Variants in PSD2 observed in about 807,000 individuals in gnomAD.
PSD2 encodes the protein PH and SEC7 domain-containing protein 2.
Under a neutral mutation model 69.8 loss-of-function variants are expected in PSD2, and 38 were observed. That is an observed-to-expected ratio of 0.54 (90% CI 0.42 to 0.71). The LOEUF is 0.71. PSD2 is among the 30% of genes least tolerant of loss of function. The pLI is 0.00. For missense variants in PSD2, 943 were observed against 1,014.5 expected (o/e 0.93, Z 0.96); for synonymous variants, 412 against 423.0 (o/e 0.97, Z 0.32).
rs960554205 is a variant in PSD2, at chr5:139,822,871, C to T, written c.1269+87C>T. On this transcript the variant is annotated intron_variant, in intron 7 of 14. Coordinates refer to ENST00000274710, the MANE Select transcript of PSD2 (RefSeq NM_032289.4). The stretch of plus-strand genomic sequence containing the variant: ...CCCGGCCCCTTCCTGAGATCTCTTA[C>T]TCAGTGGCCGGGCTTCTTTTTGAAG... 12 of 1,200,446 alleles carry T rather than the reference C, an allele frequency of 1.0e-5. No homozygotes were observed. The South Asian group carries it at 1.3e-4, about 13-fold the overall frequency. 74.4% of individuals were successfully genotyped at this position (1,200,446 alleles called of 1,614,324 possible). A position where few individuals can be genotyped will look rare whatever the true frequency, so the allele number is the denominator to read the frequency against.
chr5:139,817,136 C>G (rs1348768603), intron 4 of PSD2, among the ~76,000 whole-genome samples: 1 of 152,224 alleles, frequency 6.6e-6, no homozygotes, highest in African/African-American at 2.4e-5. Flanking sequence ...TCACTTGCTG[C>G]CCCATTCTTG....
the PSD2 span, among the ~76,000 whole-genome samples, chr5:139,785,124 A>C: frequency 9.9e-5 from 15 of 151,786 alleles, no homozygotes; most frequent in Admixed American, 7.2e-4. Flanking sequence ...ACTCTATTTA[A>C]AGTTGGAACA....
At chr5:139,757,460 C>G in the PSD2 span, among the ~76,000 whole-genome samples, 1 of 152,156 alleles carries the variant, frequency 6.6e-6, no homozygotes, top group Admixed American at 6.5e-5. Context: ...GTTTTTATCA[C>G]CATCAACCAA....
At chr5:139,766,959 T>TTCTA in the PSD2 span, among the ~76,000 whole-genome samples, 1 of 140,462 alleles carries the variant, frequency 7.1e-6, no homozygotes, top group Admixed American at 7.4e-5. Flanking sequence ...CTTTCTTTCT[T>TTCTA]TCTTTCTTTC....
chr5:139,757,813 C>A, the PSD2 span, among the ~76,000 whole-genome samples: 2 of 152,148 alleles, frequency 1.3e-5, no homozygotes, highest in Admixed American at 6.5e-5. Context: ...TGGGGCCTGT[C>A]AAGTTGGGGT....
At chr5:139,823,430 C>T (rs1363303574) in intron 7 of PSD2, among the ~76,000 whole-genome samples, 1 of 152,234 alleles carries the variant, frequency 6.6e-6, no homozygotes, top group Non-Finnish European at 1.5e-5. Context: ...CATCATTGCT[C>T]ACCCATGGTG....
chr5:139,754,686 C>T, the PSD2 span, among the ~76,000 whole-genome samples: 1 of 151,674 alleles, frequency 6.6e-6, no homozygotes, highest in Non-Finnish European at 1.5e-5. Flanking sequence ...GATAGAGTGA[C>T]ACCCTGCCTC....
intron 2 of PSD2, 86 bp downstream of exon 2, chr5:139,809,897 G>T (rs781172602): frequency 2.6e-5 from 37 of 1,441,338 alleles, no homozygotes; most frequent in Non-Finnish European, 3.4e-5. Flanking sequence ...AGTTTCTCCG[G>T]TTCTTGTTTT....
At chr5:139,756,265 T>C in the PSD2 span, among the ~76,000 whole-genome samples, 81 of 152,304 alleles carry the variant, frequency 5.3e-4, no homozygotes, top group African/African-American at 1.9e-3. Context: ...CCCGCCATTA[T>C]CTGCCTCCGC....
chr5:139,822,724 A>G lies in PSD2; in HGVS notation c.1211-2A>G. On this transcript the variant is annotated splice_acceptor_variant, in intron 6 of 14. Coordinates refer to ENST00000274710, the MANE Select transcript of PSD2 (RefSeq NM_032289.4). LOFTEE classifies it high-confidence loss of function. ...CTGAGAGTGCCACCATCTCTGACTC[A>G]GATGGGATCCACACGCTCACCTGTG... 6.2e-7 allele frequency: 1 copy of G among 1,609,348 alleles called. No individual in the cohort carries two copies. The highest frequency in any genetic ancestry group is 1.1e-5 in the South Asian group (1 of 90,270).
the PSD2 span, among the ~76,000 whole-genome samples, chr5:139,787,864 C>T: frequency 2.0e-5 from 3 of 152,262 alleles, no homozygotes; most frequent in Non-Finnish European, 4.4e-5. Context: ...TGTGTAACGG[C>T]ACGGCCTTCG....
the PSD2 span, among the ~76,000 whole-genome samples, chr5:139,768,531 T>C: frequency 6.6e-6 from 1 of 152,124 alleles, no homozygotes; most frequent in Admixed American, 6.5e-5. Flanking sequence ...GAGACTAGCC[T>C]GACCAACATG....
chr5:139,816,035 C>T (rs554926545), intron 4 of PSD2, among the ~76,000 whole-genome samples: 29 of 146,446 alleles, frequency 2.0e-4, no homozygotes, highest in African/African-American at 7.0e-4. Flanking sequence ...CAAACAAACA[C>T]GAAAGCAGAG....
chr5:139,792,856 GTCTTTCCTTCCTTCCT>G (rs1255625455), upstream of PSD2, among the ~76,000 whole-genome samples: 4 of 47,518 alleles, frequency 8.4e-5, no homozygotes, highest in African/African-American at 3.4e-4. Context: ...TTTTCTTTCT[GTCTTTCCTTCCTTCCT>G]TCCTTCCTTC....
Position 139,842,538 on chromosome 5 carries a change from C to A in PSD2, c.*64C>A. On this transcript the variant is annotated 3_prime_UTR_variant, in exon 15 of 15. Transcript: ENST00000274710. ...TCCAGTGGGGTCAGTGAGCACAATTCCAGCCAGGGGCCACTTGGACCAAGC... is the reference window on the plus strand; with the variant it reads ...TCCAGTGGGGTCAGTGAGCACAATTACAGCCAGGGGCCACTTGGACCAAGC... The A allele has an allele frequency of 6.8e-7, 1 of 1,477,092 alleles. No homozygotes were observed. The highest frequency in any genetic ancestry group is 1.2e-5 in the South Asian group (1 of 86,044). The allele number at this position is 1,477,092 out of a possible 1,614,324, so 91.5% of individuals were successfully genotyped here. A position where few individuals can be genotyped will look rare whatever the true frequency, so the allele number is the denominator to read the frequency against.
intron 1 of PSD2, among the ~76,000 whole-genome samples, chr5:139,798,237 G>T (rs1281094213): frequency 2.0e-5 from 3 of 152,210 alleles, no homozygotes; most frequent in Admixed American, 6.5e-5. Context: ...CTCAATGGAG[G>T]GGGAGGGGCC....
the PSD2 span, among the ~76,000 whole-genome samples, chr5:139,776,247 G>A: frequency 6.6e-6 from 1 of 152,206 alleles, no homozygotes; most frequent in African/African-American, 2.4e-5. Flanking sequence ...TCTGGGCATC[G>A]GGCCCAAGTC....
chr5:139,841,018 C>T (rs1347393170), intron 14 of PSD2, among the ~76,000 whole-genome samples: 1 of 152,134 alleles, frequency 6.6e-6, no homozygotes, highest in African/African-American at 2.4e-5. Flanking sequence ...CAAACTGAAA[C>T]TCTGTACACA....
At chr5:139,747,963 G>C in the PSD2 span, among the ~76,000 whole-genome samples, 1 of 152,278 alleles carries the variant, frequency 6.6e-6, no homozygotes, top group African/African-American at 2.4e-5. This position sits in a 1 kb window ranked among gnomAD's most constrained non-coding sequence, Gnocchi z 6.7. Flanking sequence ...CCATCACTTT[G>C]AGCAGCCAAA....
Sources: allele counts gnomAD v4.1 joint callset (sites outside exome capture counted in the v4.1 genomes callset), GRCh38; gene constraint gnomAD v4.1.1; non-coding constraint Gnocchi (gnomAD v3.1); transcripts MANE v1.5; gene names NCBI Gene and HGNC (gene_info 2026-07-23, HGNC 2026-07-21).